PRUNE2: variants seen among roughly 807,000 people sequenced by gnomAD.
The protein encoded by PRUNE2 is protein prune homolog 2.
PRUNE2 carries 164 observed loss-of-function variants against 252.0 expected under a neutral mutation model. That is an observed-to-expected ratio of 0.65 (90% CI 0.57 to 0.74). The LOEUF is 0.74. PRUNE2 is among the 30% of genes least tolerant of loss of function. The pLI is 0.00. For synonymous variants in PRUNE2, 1,292 were observed against 1,350.2 expected (o/e 0.96, Z 0.94); for missense variants, 3,495 against 3,711.0 (o/e 0.94, Z 1.51).
intron 9 of PRUNE2, among the ~76,000 whole-genome samples, chr9:76,693,421 G>A (rs950122473): frequency 1.5e-4 from 22 of 144,270 alleles, no homozygotes; most frequent in Middle Eastern, 3.5e-3. Flanking sequence ...AGGTGCTTAA[G>A]AGATGTTAGC....
intron 6 of PRUNE2, among the ~76,000 whole-genome samples, chr9:76,749,356 C>T (rs1169633173): frequency 1.3e-5 from 2 of 152,294 alleles, no homozygotes; most frequent in East Asian, 3.9e-4. Flanking sequence ...TTCTTCTCAC[C>T]CCCAAGTTTT....
chr9:76,764,369 T>C (rs1261079701), intron 6 of PRUNE2: 1 of 152,234 alleles, frequency 6.6e-6, no homozygotes, highest in African/African-American at 2.4e-5. Context: ...TGGTTGTATG[T>C]GGGTTGGCAT....
intron 4 of PRUNE2, among the ~76,000 whole-genome samples, chr9:76,832,730 G>A (rs1256736862): frequency 1.3e-5 from 2 of 151,636 alleles, no homozygotes; most frequent in East Asian, 3.9e-4. Context: ...ACATATGGAA[G>A]AAATCAATAA....
intron 5 of PRUNE2, among the ~76,000 whole-genome samples, 172 bp from the exon 6 acceptor site, chr9:76,823,898 G>A (rs900551750): frequency 4.6e-5 from 7 of 151,890 alleles, no homozygotes; most frequent in South Asian, 2.1e-4. Flanking sequence ...ATCACATCAC[G>A]TCTGCATCAG....
rs1225669412 is a variant in PRUNE2, at chr9:76,846,692, G to A, written c.345-14C>T. 5.0e-6 allele frequency: 8 copies of A among 1,608,030 alleles called. No individual in the cohort carries two copies. The highest frequency in any genetic ancestry group is 6.8e-6 in the Non-Finnish European group (8 of 1,174,798). On this transcript the variant is annotated splice_polypyrimidine_tract_variant and intron_variant, in intron 3 of 18. Coordinates refer to ENST00000376718, the MANE Select transcript of PRUNE2 (RefSeq NM_015225.3). The stretch of plus-strand genomic sequence containing the variant: ...GTTTTGTCTTCACTGTAAAGCAAAT[G>A]GAGGGGAGGAAGAGAAAGGGATATG...
intron 1 of PRUNE2, among the ~76,000 whole-genome samples, chr9:76,898,973 A>C (rs971868723): frequency 2.6e-5 from 4 of 152,226 alleles, no homozygotes; most frequent in African/African-American, 9.6e-5. Flanking sequence ...AGGATCATGC[A>C]TGGGTTTACC....
At chr9:76,753,920 A>AC (rs2050865321) in intron 6 of PRUNE2, among the ~76,000 whole-genome samples, 1 of 45,314 alleles carries the variant, frequency 2.2e-5, no homozygotes, top group African/African-American at 7.0e-5. Context: ...TCTGTCTCAG[A>AC]AAAAAAAAAA....
chr9:76,791,810 G>A (rs936817286), intron 6 of PRUNE2, among the ~76,000 whole-genome samples: 11 of 152,148 alleles, frequency 7.2e-5, no homozygotes, highest in Admixed American at 2.6e-4. Flanking sequence ...CCTGTCCCCC[G>A]ACTAGATTCA....
At chr9:76,748,524 T>C (rs2050334977) in intron 6 of PRUNE2, 1 of 152,134 alleles carries the variant, frequency 6.6e-6, no homozygotes, top group Admixed American at 6.6e-5. Context: ...TTAATGGGTT[T>C]TGGGGGTAAT....
intron 1 of PRUNE2, among the ~76,000 whole-genome samples, chr9:76,897,050 G>T (rs935637472): frequency 6.6e-6 from 1 of 152,174 alleles, no homozygotes; most frequent in African/African-American, 2.4e-5. Context: ...CCAAATCTCA[G>T]ATGGCCTAAC....
At chr9:76,741,970 A>G (rs1223642750) in intron 6 of PRUNE2, among the ~76,000 whole-genome samples, 3 of 152,350 alleles carry the variant, frequency 2.0e-5, no homozygotes, top group African/African-American at 7.2e-5. Flanking sequence ...TGTTTTGACT[A>G]ATAAAATGTT....
chr9:76,656,261 G>A (rs183211040), intron 9 of PRUNE2, among the ~76,000 whole-genome samples: 70 of 152,246 alleles, frequency 4.6e-4, no homozygotes, highest in African/African-American at 1.6e-3. Context: ...CACTGTTCAC[G>A]ATAAATTTCT....
At chr9:76,712,484 G>GGGGA (rs2046810248) in intron 7 of PRUNE2, among the ~76,000 whole-genome samples, 1 of 151,814 alleles carries the variant, frequency 6.6e-6, no homozygotes, top group Admixed American at 6.6e-5. Flanking sequence ...TTGCTAGGAT[G>GGGGA]GGGAGGGTGG....
At chr9:76,817,200 T>C (rs992051131) in intron 6 of PRUNE2, among the ~76,000 whole-genome samples, 1 of 152,162 alleles carries the variant, frequency 6.6e-6, no homozygotes, top group Non-Finnish European at 1.5e-5. Context: ...GATGACTTAC[T>C]AGTGAACCCC....
At chr9:76,637,894 A>C (rs1485189965) in intron 13 of PRUNE2, among the ~76,000 whole-genome samples, 1 of 152,226 alleles carries the variant, frequency 6.6e-6, no homozygotes, top group Non-Finnish European at 1.5e-5. Flanking sequence ...TTAGCTGACT[A>C]AGAACATGTT....
At chr9:76,779,152 G>A (rs1432039667) in intron 6 of PRUNE2, among the ~76,000 whole-genome samples, 1 of 151,798 alleles carries the variant, frequency 6.6e-6, no homozygotes, top group Non-Finnish European at 1.5e-5. Flanking sequence ...TTCTGGATGG[G>A]CAATACTTAT....
chr9:76,698,087 C>T (rs2134632598), intron 9 of PRUNE2, among the ~76,000 whole-genome samples: 1 of 151,898 alleles, frequency 6.6e-6, no homozygotes, highest in South Asian at 2.1e-4. Context: ...TGGTCTTTCA[C>T]CCAGGCTGGA....
At chr9:76,837,179 C>G (rs2059033210) in intron 4 of PRUNE2, among the ~76,000 whole-genome samples, 1 of 152,116 alleles carries the variant, frequency 6.6e-6, no homozygotes, top group Non-Finnish European at 1.5e-5. Flanking sequence ...CACAGTGGCT[C>G]TCTGCTGTAA....
At chr9:76,628,494 T>C (rs1835950137) in intron 16 of PRUNE2, among the ~76,000 whole-genome samples, 1 of 152,226 alleles carries the variant, frequency 6.6e-6, no homozygotes, top group African/African-American at 2.4e-5. Context: ...TAAATTACTT[T>C]GTATAAGACA....
Sources: gnomAD v4.1 joint callset for allele counts (sites outside exome capture counted in the v4.1 genomes callset) on GRCh38, gnomAD v4.1.1 for gene constraint, MANE v1.5 for transcripts, NCBI Gene and HGNC (gene_info 2026-07-23, HGNC 2026-07-21) for gene names.